Variants in ARHGAP18 observed in about 807,000 individuals in gnomAD.
The protein encoded by ARHGAP18 is rho GTPase-activating protein 18.
Under a neutral mutation model 86.2 loss-of-function variants are expected in ARHGAP18, and 67 were observed. The ratio of observed to expected loss-of-function variants is 0.78; its 90% CI spans 0.64 to 0.95. The LOEUF (loss-of-function observed/expected upper bound fraction) is 0.95. Ranked by LOEUF, ARHGAP18 falls within the 40% of genes least tolerant of loss-of-function variation. The pLI is 0.00. For missense variants in ARHGAP18, 691 were observed against 780.4 expected (o/e 0.89, Z 1.37); for synonymous variants, 283 against 280.4 (o/e 1.01, Z -0.09).
At chr6:129,593,507 A>G (rs1248813819) in intron 12 of ARHGAP18, among the ~76,000 whole-genome samples, 1 of 152,142 alleles carries the variant, frequency 6.6e-6, no homozygotes, top group East Asian at 1.9e-4. Flanking sequence ...AGATGCCACT[A>G]TTGTGAACTT....
At chr6:129,676,933 T>C in intron 1 of ARHGAP18, among the ~76,000 whole-genome samples, 1 of 124,166 alleles carries the variant, frequency 8.1e-6, no homozygotes, top group African/African-American at 3.0e-5. Context: ...TTTTTTTTTT[T>C]TTTTTTTTTT....
chr6:129,584,790 T>C (rs1223382407), intron 12 of ARHGAP18, among the ~76,000 whole-genome samples: 2 of 152,200 alleles, frequency 1.3e-5, no homozygotes, highest in Non-Finnish European at 2.9e-5. Context: ...AGGGTTTTGC[T>C]AAAATAAATA....
chr6:129,603,042 T>C (rs1562685278), intron 10 of ARHGAP18, among the ~76,000 whole-genome samples: 10 of 151,690 alleles, frequency 6.6e-5, no homozygotes, highest in Admixed American at 5.3e-4. Context: ...GGTTTTTGCT[T>C]ACATGGGTAA....
At chr6:129,605,761 C>T in intron 10 of ARHGAP18, 116 bp downstream of exon 10, 1 of 933,902 alleles carries the variant, frequency 1.1e-6, no homozygotes, top group Admixed American at 2.2e-5. Context: ...TAGGCTTTTT[C>T]TTTATAGACT....
At chr6:129,619,086 A>G (rs969178471) in intron 5 of ARHGAP18, among the ~76,000 whole-genome samples, 1 of 150,212 alleles carries the variant, frequency 6.7e-6, no homozygotes, top group African/African-American at 2.5e-5. Context: ...ACAGACCGCA[A>G]ACTCGGAGTA....
chr6:129,629,071 A>G (rs1168390082), intron 5 of ARHGAP18, among the ~76,000 whole-genome samples: 1 of 152,044 alleles, frequency 6.6e-6, no homozygotes, highest in South Asian at 2.1e-4. Context: ...CTACATTTTT[A>G]AAATAAAAAG....
chr6:129,668,378 A>T (rs7750658), intron 1 of ARHGAP18, among the ~76,000 whole-genome samples: 30,039 of 149,978 alleles, frequency 0.2, 3,211 homozygotes, highest in Non-Finnish European at 0.24. Flanking sequence ...ACACACACAC[A>T]CACACACACA....
chr6:129,621,038 A>G (rs1460617437), intron 5 of ARHGAP18, among the ~76,000 whole-genome samples: 1 of 152,166 alleles, frequency 6.6e-6, no homozygotes, highest in Admixed American at 6.5e-5. Context: ...AAATATGGCT[A>G]TTTTCCATTT....
chr6:129,623,784 A>G (rs1245988389), intron 5 of ARHGAP18, among the ~76,000 whole-genome samples: 1 of 152,256 alleles, frequency 6.6e-6, no homozygotes, highest in Non-Finnish European at 1.5e-5. Flanking sequence ...GCATATTTGC[A>G]TAAAAAAATA....
At position 129,576,598 on chromosome 6, in the gene ARHGAP18, T is replaced by C. The variant is rs1432100651; in HGVS notation, c.*1915A>G. On this transcript the variant is annotated 3_prime_UTR_variant, in exon 15 of 15. Coordinates refer to ENST00000368149, the MANE Select transcript of ARHGAP18 (RefSeq NM_033515.3). ...CATTTTCACTTTTTTAAAATTAAGA[T>C]ACTTTTTCATGATCAAAAATATGTT... The C allele has an allele frequency of 6.6e-6, 1 of 152,230 alleles. No homozygotes were observed. The allele number at this position is 152,230 out of a possible 1,614,324, so 9.4% of individuals were successfully genotyped here. A position where few individuals can be genotyped will look rare whatever the true frequency, so the allele number is the denominator to read the frequency against.
In ARHGAP18 at chr6:129,580,061, A is replaced by G; in HGVS notation, c.1900+9T>C. 1.9e-6 allele frequency: 3 copies of G among 1,606,844 alleles called. No homozygotes were observed. The highest frequency in any genetic ancestry group is 1.7e-6 in the Non-Finnish European group (2 of 1,173,888). ...CATATAAAATGTAAAGAGAAAAAAA[A>G]GTGCTTACCAATATTTCCTCCAATT... is the stretch of plus-strand genomic sequence containing the variant. On this transcript the variant is annotated intron_variant, in intron 14 of 14. Transcript: ENST00000368149.
chr6:129,706,477 A>G (rs1774804320), intron 1 of ARHGAP18, among the ~76,000 whole-genome samples: 1 of 152,236 alleles, frequency 6.6e-6, no homozygotes, highest in Admixed American at 6.5e-5. Flanking sequence ...CTGACATTCA[A>G]TGACTGTTTT....
intron 3 of ARHGAP18, among the ~76,000 whole-genome samples, chr6:129,634,654 A>G (rs1773293920): frequency 6.6e-6 from 1 of 152,078 alleles, no homozygotes; most frequent in Non-Finnish European, 1.5e-5. Flanking sequence ...GTCACCTAAG[A>G]GTAGGGAGGG....
intron 8 of ARHGAP18, among the ~76,000 whole-genome samples, chr6:129,611,076 AT>A (rs966515545): frequency 2.0e-5 from 3 of 152,006 alleles, no homozygotes; most frequent in Non-Finnish European, 2.9e-5. Flanking sequence ...TTTTAAAATT[AT>A]TTTTTGTAGA....
chr6:129,586,856 A>T (rs1429744309), intron 12 of ARHGAP18, among the ~76,000 whole-genome samples: 2 of 151,326 alleles, frequency 1.3e-5, no homozygotes, highest in Non-Finnish European at 2.9e-5. Flanking sequence ...TGTACGTTCT[A>T]CTCCCCCTCC....
chr6:129,669,936 A>C (rs1177201657), intron 1 of ARHGAP18, among the ~76,000 whole-genome samples: 1 of 152,238 alleles, frequency 6.6e-6, no homozygotes, highest in East Asian at 1.9e-4. Flanking sequence ...AACAAATATT[A>C]TAAAAGTTAT....
chr6:129,661,972 CCACA>C (rs5879958), intron 1 of ARHGAP18: 1,158 of 876,586 alleles, frequency 1.3e-3, no homozygotes, highest in Middle Eastern at 4.0e-3. Context: ...CCTGGTGTTG[CCACA>C]CACACACACA....
At chr6:129,579,881 G>A (rs1444668560) in intron 14 of ARHGAP18, among the ~76,000 whole-genome samples, 189 bp downstream of exon 14, 1 of 152,158 alleles carries the variant, frequency 6.6e-6, no homozygotes, top group Non-Finnish European at 1.5e-5. Flanking sequence ...ATGGGCATTT[G>A]TACAGGCGCT....
chr6:129,600,602 T>G, intron 11 of ARHGAP18, 40 bp downstream of exon 11: 1 of 1,520,038 alleles, frequency 6.6e-7, no homozygotes, highest in Non-Finnish European at 8.9e-7. Context: ...GCAATTTGTT[T>G]TTTAAACTAC....
Sources: allele counts gnomAD v4.1 joint callset (sites outside exome capture counted in the v4.1 genomes callset), GRCh38; gene constraint gnomAD v4.1.1; transcripts MANE v1.5; gene names NCBI Gene and HGNC (gene_info 2026-07-23, HGNC 2026-07-21).